PDE4D: variants seen among roughly 807,000 people sequenced by gnomAD.
PDE4D encodes phosphodiesterase 4D.
A neutral mutation model predicts 87.4 loss-of-function variants in PDE4D; 24 were observed. The observed-to-expected ratio is 0.27, with a 90% CI of 0.20 to 0.39. The LOEUF (loss-of-function observed/expected upper bound fraction) is 0.39, where lower values mean the gene tolerates loss of function less well. Ranked by LOEUF, PDE4D falls within the 10% of genes least tolerant of loss-of-function variation. The pLI, the probability that PDE4D is intolerant of heterozygous loss-of-function variation, is 1.00. For synonymous variants in PDE4D, 384 were observed against 383.2 expected (o/e 1.00, Z -0.02); for missense variants, 714 against 1,041.0 (o/e 0.69, Z 4.32).
intron 5 of PDE4D, among the ~76,000 whole-genome samples, chr5:59,145,691 C>T (rs1309173807): frequency 1.3e-5 from 2 of 152,270 alleles, no homozygotes; most frequent in Admixed American, 6.5e-5. Flanking sequence ...CTAATATTAT[C>T]GAGCCCTAAT....
intron 2 of PDE4D, among the ~76,000 whole-genome samples, chr5:60,144,702 T>C (rs1245286247): frequency 6.6e-6 from 1 of 152,212 alleles, no homozygotes; most frequent in Non-Finnish European, 1.5e-5. Context: ...AATCTTTCTC[T>C]CCTCTCTCAG....
intron 6 of PDE4D, among the ~76,000 whole-genome samples, chr5:59,023,897 TCTA>T (rs1369520636): frequency 2.0e-5 from 3 of 151,274 alleles, no homozygotes; most frequent in Admixed American, 6.6e-5. Flanking sequence ...TCCCATGAAT[TCTA>T]CTTTTTTTTT....
intron 5 of PDE4D, among the ~76,000 whole-genome samples, chr5:59,165,620 G>A (rs1295732241): frequency 6.6e-6 from 1 of 152,138 alleles, no homozygotes. Context: ...CTCCCTATGA[G>A]ATAAATATTA....
chr5:59,352,506 G>A (rs1780681883), intron 1 of PDE4D, among the ~76,000 whole-genome samples: 1 of 152,078 alleles, frequency 6.6e-6, no homozygotes, highest in Non-Finnish European at 1.5e-5. Flanking sequence ...TTTCTAATGG[G>A]AATTGTGCAG....
chr5:60,327,126 T>C (rs1056490437), intron 1 of PDE4D, among the ~76,000 whole-genome samples: 11 of 151,642 alleles, frequency 7.3e-5, no homozygotes, highest in Non-Finnish European at 1.5e-4. Context: ...ATAATGAAAT[T>C]GACATAAGAT....
intron 3 of PDE4D, among the ~76,000 whole-genome samples, chr5:59,975,405 C>G (rs1486278854): frequency 6.6e-6 from 1 of 152,188 alleles, no homozygotes; most frequent in Non-Finnish European, 1.5e-5. Context: ...TATGATCTAT[C>G]TTTTGTTTGC....
intron 1 of PDE4D, among the ~76,000 whole-genome samples, chr5:59,506,178 T>C (rs915608316): frequency 6.6e-6 from 1 of 152,156 alleles, no homozygotes; most frequent in Non-Finnish European, 1.5e-5. Flanking sequence ...TTAATATAAA[T>C]GGTTTCACAT....
intron 1 of PDE4D, among the ~76,000 whole-genome samples, chr5:60,347,204 C>T: frequency 6.6e-6 from 1 of 151,976 alleles, no homozygotes; most frequent in Non-Finnish European, 1.5e-5. Flanking sequence ...GCCAGTGTGT[C>T]CAGGACATGG....
At chr5:60,289,844 T>C (rs1261555290) in intron 1 of PDE4D, among the ~76,000 whole-genome samples, 2 of 152,212 alleles carry the variant, frequency 1.3e-5, no homozygotes, top group African/African-American at 2.4e-5. Context: ...CAGATTAGTG[T>C]TTCTAGTCTG....
intron 1 of PDE4D, among the ~76,000 whole-genome samples, chr5:59,512,134 A>C (rs1482414473): frequency 6.6e-6 from 1 of 152,172 alleles, no homozygotes; most frequent in Non-Finnish European, 1.5e-5. Flanking sequence ...CTCAGTGTTA[A>C]GTGAGAAAAA....
At chr5:58,993,730 ATTTAAT>A (rs556661986) in intron 6 of PDE4D, among the ~76,000 whole-genome samples, 26 of 152,162 alleles carry the variant, frequency 1.7e-4, no homozygotes, top group Non-Finnish European at 3.5e-4. Context: ...TTTGAATTTT[ATTTAAT>A]TTTAACTACT....
chr5:59,922,151 A>G (rs1754746246), intron 3 of PDE4D, among the ~76,000 whole-genome samples: 2 of 152,160 alleles, frequency 1.3e-5, no homozygotes, highest in African/African-American at 2.4e-5. Context: ...GAGGGAGAAT[A>G]TAGACCAGCC....
chr5:60,315,991 A>C (rs1260205680), intron 1 of PDE4D, among the ~76,000 whole-genome samples: 1 of 152,152 alleles, frequency 6.6e-6, no homozygotes, highest in African/African-American at 2.4e-5. Context: ...GTTCCATATG[A>C]ACTTTAAAGT....
chr5:59,155,366 T>C (rs1167633098), intron 5 of PDE4D, among the ~76,000 whole-genome samples: 1 of 152,124 alleles, frequency 6.6e-6, no homozygotes, highest in East Asian at 1.9e-4. Context: ...TGAATAAATA[T>C]TTACTCAGTA....
chr5:60,000,236 A>G (rs1367859150), intron 2 of PDE4D, among the ~76,000 whole-genome samples: 1 of 152,088 alleles, frequency 6.6e-6, no homozygotes, highest in Non-Finnish European at 1.5e-5. Flanking sequence ...CAAATTCAAG[A>G]CACTGATAAA....
chr5:60,007,354 A>G (rs764340868), intron 2 of PDE4D, among the ~76,000 whole-genome samples: 8 of 152,068 alleles, frequency 5.3e-5, no homozygotes, highest in Non-Finnish European at 1.0e-4. Context: ...GTATATTTGC[A>G]TCACGTAGGA....
chr5:59,266,605 A>G (rs1762898039), intron 1 of PDE4D, among the ~76,000 whole-genome samples: 1 of 151,874 alleles, frequency 6.6e-6, no homozygotes, highest in East Asian at 1.9e-4. Context: ...GTCAAAGTCC[A>G]TGTTCTATTT....
intron 1 of PDE4D, among the ~76,000 whole-genome samples, chr5:59,467,403 G>A (rs952381387): frequency 2.0e-5 from 3 of 152,142 alleles, no homozygotes; most frequent in African/African-American, 7.2e-5. Context: ...AGGACAGCAG[G>A]AAACTCAATG....
At chr5:59,281,813 A>G (rs945029875) in intron 1 of PDE4D, among the ~76,000 whole-genome samples, 3 of 152,190 alleles carry the variant, frequency 2.0e-5, no homozygotes, top group Non-Finnish European at 2.9e-5. Context: ...AATCACAAAG[A>G]TTAAGTTGTA....
Sources: gnomAD v4.1 joint callset for allele counts (sites outside exome capture counted in the v4.1 genomes callset) on GRCh38, gnomAD v4.1.1 for gene constraint, MANE v1.5 for transcripts, NCBI Gene and HGNC (gene_info 2026-07-23, HGNC 2026-07-21) for gene names.